CDH23: variants seen among roughly 807,000 people sequenced by gnomAD.
CDH23 encodes the protein cadherin related 23, also known as cadherin-23.
A neutral mutation model predicts 317.1 loss-of-function variants in CDH23; 189 were observed. The observed-to-expected ratio is 0.60, with a 90% CI of 0.53 to 0.67. The LOEUF (loss-of-function observed/expected upper bound fraction) is 0.67, where lower values mean the gene tolerates loss of function less well. CDH23 is among the 30% of genes least tolerant of loss of function. CDH23 has a pLI of 0.00. For missense variants in CDH23, 4,401 were observed against 4,592.4 expected, an observed-to-expected ratio of 0.96 and a Z score of 1.20; for synonymous variants, 1,839 against 1,876.8, an observed-to-expected ratio of 0.98 and a Z score of 0.52.
rs991124277 is a variant in CDH23, at chr10:71,403,054, G to A, written c.-6+5736G>A. On this transcript the variant is annotated intron_variant, in intron 1 of 69. Transcript: ENST00000224721. ...GGAGAATGGGGTGAACCCAGGAGGC[G>A]GAGCTTGCAGTGAGCCGAGATCGCG... Among the ~76,000 whole-genome samples the A allele has an allele frequency of 5.9e-5, 9 of 152,028 alleles. No individual in the cohort carries two copies. The East Asian group carries it at 7.7e-4, about 13-fold the overall frequency.
rs149547682 is a variant in CDH23, at chr10:71,763,573, C to T, written c.4846-14107C>T. On this transcript the variant is annotated intron_variant, in intron 38 of 69. Transcript: ENST00000224721. ...CCAGGAGGGAGGCAGCCTGGTGGGG[C>T]TTCTGGAGCTGGCCAGCCTGTACTG... Among the ~76,000 whole-genome samples the T allele has an allele frequency of 2.9e-3, 438 of 152,340 alleles. 2 individuals are homozygous for T. The highest frequency in any genetic ancestry group is 1.0e-2 in the African/African-American group (414 of 41,584).
chr10:71,727,951 G>C (rs960042332), intron 30 of CDH23, among the ~76,000 whole-genome samples: 1 of 152,180 alleles, frequency 6.6e-6, no homozygotes, highest in Admixed American at 6.5e-5. Context: ...GGCTGAAACC[G>C]ACCAGAGGCT....
chr10:71,532,877 C>T (rs577482484), intron 6 of CDH23, among the ~76,000 whole-genome samples: 1 of 151,978 alleles, frequency 6.6e-6, no homozygotes, highest in South Asian at 2.1e-4. Flanking sequence ...TTACAGGCAT[C>T]CACCACCATG....
At chr10:71,473,994 T>C (rs1278690425) in intron 3 of CDH23, among the ~76,000 whole-genome samples, 1 of 152,220 alleles carries the variant, frequency 6.6e-6, no homozygotes, top group Non-Finnish European at 1.5e-5. Context: ...TTTTCACTAA[T>C]TAGGAGCTGC....
chr10:71,671,714 G>A (rs888468991), intron 14 of CDH23, among the ~76,000 whole-genome samples: 1 of 152,122 alleles, frequency 6.6e-6, no homozygotes, highest in African/African-American at 2.4e-5. Context: ...CTGGAGTCGG[G>A]TCAGCCAGCA....
chr10:71,514,031 A>G (rs1318100735), intron 6 of CDH23, among the ~76,000 whole-genome samples: 3 of 151,938 alleles, frequency 2.0e-5, no homozygotes, highest in Non-Finnish European at 4.4e-5. Flanking sequence ...GCTTCCTAAT[A>G]ATAAGACTGC....
intron 11 of CDH23, among the ~76,000 whole-genome samples, chr10:71,642,523 C>T (rs895424348): frequency 6.6e-6 from 1 of 151,786 alleles, no homozygotes; most frequent in Non-Finnish European, 1.5e-5. Flanking sequence ...CTCAGCCTCC[C>T]GAGTAGCTGG....
At chr10:71,486,757 G>A (rs1316564965) in intron 3 of CDH23, among the ~76,000 whole-genome samples, 6 of 152,144 alleles carry the variant, frequency 3.9e-5, no homozygotes, top group Admixed American at 3.9e-4. Flanking sequence ...CCTAGGCCAG[G>A]GTCTCTAGAG....
At chr10:71,488,355 T>G (rs1464324890) in intron 3 of CDH23, among the ~76,000 whole-genome samples, 1 of 152,192 alleles carries the variant, frequency 6.6e-6, no homozygotes, top group East Asian at 1.9e-4. Flanking sequence ...GAGAAAAAGA[T>G]GGGAATCTTT....
intron 28 of CDH23, 88 bp from the exon 29 acceptor site, chr10:71,723,957 C>T (rs754369494): frequency 2.0e-4 from 283 of 1,437,120 alleles, no homozygotes; most frequent in South Asian, 4.0e-4. Flanking sequence ...GGGTAGGATG[C>T]GTGAAGGGAA....
In CDH23 at chr10:71,500,507, G is replaced by T. The variant is rs535267359; in HGVS notation, c.146-9575G>T. Among the ~76,000 whole-genome samples the T allele has an allele frequency of 2.6e-5, 4 of 152,356 alleles. No individual in the cohort carries two copies. In the East Asian group the frequency reaches 7.7e-4, roughly 29 times the overall value. ...AATAAGTAGACTGAGGAAAGCCAGGGTGCTAGAGGGGAGCCCATCCCCACC... is the reference window on the plus strand; with the variant it reads ...AATAAGTAGACTGAGGAAAGCCAGGTTGCTAGAGGGGAGCCCATCCCCACC... On this transcript the variant is annotated intron_variant, in intron 3 of 69. Transcript: ENST00000224721.
At chr10:71,438,594 C>T (rs115740890) in intron 1 of CDH23, among the ~76,000 whole-genome samples, 1,675 of 152,232 alleles carry the variant, frequency 0.011, 33 homozygotes, top group Middle Eastern at 0.027. Context: ...AAGGGGTCCA[C>T]GCTCTCAGCT....
At chr10:71,419,528 G>A (rs185299158) in intron 1 of CDH23, among the ~76,000 whole-genome samples, 96 of 152,284 alleles carry the variant, frequency 6.3e-4, no homozygotes, top group African/African-American at 2.2e-3. Context: ...AGGTTTGGTG[G>A]TTTTGAATTC....
chr10:71,657,371 T>C (rs1863462021), intron 14 of CDH23, among the ~76,000 whole-genome samples: 1 of 152,334 alleles, frequency 6.6e-6, no homozygotes, highest in African/African-American at 2.4e-5. Flanking sequence ...CTACAGCAAG[T>C]GCTCCAAAAG....
intron 46 of CDH23, chr10:71,790,691 C>T: frequency 2.0e-6 from 1 of 508,686 alleles, no homozygotes; most frequent in Non-Finnish European, 3.6e-6. Flanking sequence ...CCGTCATCTC[C>T]CCATGCGCAG....
At chr10:71,452,826 C>T (rs1477883474) in intron 3 of CDH23, among the ~76,000 whole-genome samples, 1 of 152,214 alleles carries the variant, frequency 6.6e-6, no homozygotes, top group African/African-American at 2.4e-5. Context: ...CTCTATTAGG[C>T]ACTTCAAGTG....
chr10:71,667,145 G>C (rs1054462163), intron 14 of CDH23, among the ~76,000 whole-genome samples: 2 of 152,248 alleles, frequency 1.3e-5, no homozygotes, highest in Non-Finnish European at 2.9e-5. Context: ...CCTTGCTTCA[G>C]AGCAGAAGCC....
intron 9 of CDH23, among the ~76,000 whole-genome samples, chr10:71,603,871 T>G (rs1198596455): frequency 6.6e-6 from 1 of 152,182 alleles, no homozygotes; most frequent in African/African-American, 2.4e-5. Context: ...CAGTGCTGGC[T>G]TCACACGGTA....
intron 7 of CDH23, among the ~76,000 whole-genome samples, chr10:71,567,143 G>A (rs1304946121): frequency 1.3e-5 from 2 of 152,186 alleles, no homozygotes; most frequent in East Asian, 3.8e-4. Context: ...GCACTCAAAG[G>A]GACTTTAAAC....
Sources: allele counts gnomAD v4.1 joint callset (sites outside exome capture counted in the v4.1 genomes callset), GRCh38; gene constraint gnomAD v4.1.1; transcripts MANE v1.5; gene names NCBI Gene and HGNC (gene_info 2026-07-23, HGNC 2026-07-21).